Variants in SYT1 observed in about 807,000 individuals in gnomAD.
SYT1 encodes the protein synaptotagmin-1.
In SYT1, 8 loss-of-function variants were observed where a neutral mutation model predicts 44.8. That is an observed-to-expected ratio of 0.18 (90% CI 0.10 to 0.32). SYT1 has a LOEUF of 0.32. Ranked by LOEUF, SYT1 falls within the 10% of genes least tolerant of loss-of-function variation. SYT1 has a pLI of 1.00. For synonymous variants in SYT1, 154 were observed against 188.8 expected (o/e 0.82, Z 1.51); for missense variants, 286 against 509.3 (o/e 0.56, Z 4.22).
intron 4 of SYT1, among the ~76,000 whole-genome samples, chr12:79,248,403 A>C (rs560753201): frequency 1.3e-5 from 2 of 152,322 alleles, no homozygotes; most frequent in South Asian, 4.1e-4. Flanking sequence ...AAAGGAGGAA[A>C]ATTAGCATAT....
intron 2 of SYT1, among the ~76,000 whole-genome samples, chr12:78,990,426 C>T (rs888275954): frequency 6.6e-6 from 1 of 152,176 alleles, no homozygotes; most frequent in Non-Finnish European, 1.5e-5. Context: ...AATCTATTGA[C>T]ATTTAAACCA....
At chr12:78,989,885 C>A (rs1423096905) in intron 2 of SYT1, among the ~76,000 whole-genome samples, 1 of 152,000 alleles carries the variant, frequency 6.6e-6, no homozygotes, top group African/African-American at 2.4e-5. Context: ...ATGATGTCCC[C>A]AAAAATACAC....
intron 2 of SYT1, among the ~76,000 whole-genome samples, chr12:78,988,242 G>A (rs1474201978): frequency 1.3e-5 from 2 of 151,052 alleles, no homozygotes; most frequent in East Asian, 3.9e-4. Flanking sequence ...TTATATTGGA[G>A]AAACAGACAA....
intron 9 of SYT1, among the ~76,000 whole-genome samples, chr12:79,414,405 T>C (rs1231945764): frequency 1.3e-5 from 2 of 152,092 alleles, no homozygotes; most frequent in Non-Finnish European, 2.9e-5. Flanking sequence ...ATTAGATCCT[T>C]GTATGTTGTA....
chr12:78,922,346 G>A (rs17046030), intron 1 of SYT1, among the ~76,000 whole-genome samples: 1 of 151,568 alleles, frequency 6.6e-6, no homozygotes, highest in Non-Finnish European at 1.5e-5. Context: ...GCAAGACCTC[G>A]CTTCAACCCT....
chr12:79,290,277 C>G (rs767510802), intron 5 of SYT1, among the ~76,000 whole-genome samples: 8 of 152,142 alleles, frequency 5.3e-5, no homozygotes, highest in Non-Finnish European at 1.0e-4. Flanking sequence ...ACAGCTGAGT[C>G]TCAGTTTTTT....
In SYT1 at chr12:79,167,780, A is replaced by G. The variant is rs150937953; in HGVS notation, c.-17-49723A>G. ...AGCGGTCCCCAACATTTTTGGCACCAGGGGCTTGTTTCATGGAAGACAATT... is the reference window on the plus strand; with the variant it reads ...AGCGGTCCCCAACATTTTTGGCACCGGGGGCTTGTTTCATGGAAGACAATT... On this transcript the variant is annotated intron_variant, in intron 3 of 10. Transcript: ENST00000261205. Among the ~76,000 whole-genome samples, 942 of 152,148 alleles carry G rather than the reference A, an allele frequency of 6.2e-3. 8 individuals carry two copies. Among genetic ancestry groups the G allele is most frequent in the African/African-American group, 0.022 (905 of 41,526 alleles).
chr12:79,183,084 CACTG>C (rs1872629173), intron 3 of SYT1, among the ~76,000 whole-genome samples: 1 of 152,026 alleles, frequency 6.6e-6, no homozygotes. Flanking sequence ...GTTTATTGTG[CACTG>C]ACTATGTGGA....
rs933947075 is a variant in SYT1 at position 79,010,717 on chromosome 12, C to T, written c.-84+32786C>T. On this transcript the variant is annotated intron_variant, in intron 2 of 10. Coordinates refer to ENST00000261205, the MANE Select transcript of SYT1 (RefSeq NM_005639.3). The stretch of plus-strand genomic sequence containing the variant: ...TACAGACTCATAAAGTCCTGTCCTG[C>T]TATCAGTTTTCAAGTCATCCCTATG... Among the ~76,000 whole-genome samples the T allele has an allele frequency of 1.8e-4, 27 of 152,126 alleles. 1 individual carries two copies. The highest frequency in any genetic ancestry group is 1.9e-4 in the Non-Finnish European group (13 of 68,008).
chr12:78,903,106 A>G (rs1875754019), intron 1 of SYT1, among the ~76,000 whole-genome samples: 1 of 152,090 alleles, frequency 6.6e-6, no homozygotes, highest in Non-Finnish European at 1.5e-5. Context: ...CTCATGTGAA[A>G]GTAGTATGGC....
intron 3 of SYT1, among the ~76,000 whole-genome samples, chr12:79,073,029 G>A (rs1340975347): frequency 6.6e-6 from 1 of 152,110 alleles, no homozygotes; most frequent in African/African-American, 2.4e-5. Flanking sequence ...CAATGAATAA[G>A]TTGTCAGAAT....
chr12:78,938,323 A>G (rs1313558227), intron 1 of SYT1, among the ~76,000 whole-genome samples: 9 of 152,180 alleles, frequency 5.9e-5, no homozygotes, highest in African/African-American at 2.2e-4. Flanking sequence ...CATGTCTGAC[A>G]ACTCACCCTT....
chr12:78,884,839 T>C lies in SYT1; in HGVS notation c.-217+19730T>C, dbSNP rs1465145675. On this transcript the variant is annotated intron_variant, in intron 1 of 10. Coordinates refer to ENST00000261205, the MANE Select transcript of SYT1 (RefSeq NM_005639.3). ...AATATGGAATCTGTCTGAAGAAATA[T>C]GAAGTTTTAAAAGTGTTTATAAAAT... Among the ~76,000 whole-genome samples, 3 of 151,848 alleles carry C rather than the reference T, an allele frequency of 2.0e-5. No homozygotes were observed. The East Asian group carries it at 5.8e-4, about 29-fold the overall frequency.
chr12:79,104,122 A>C (rs1322381303), intron 3 of SYT1, among the ~76,000 whole-genome samples: 1 of 152,038 alleles, frequency 6.6e-6, no homozygotes, highest in Non-Finnish European at 1.5e-5. Context: ...TGTTATTATA[A>C]AAAAATTATG....
chr12:78,931,099 A>T (rs10861164), intron 1 of SYT1, among the ~76,000 whole-genome samples: 26,674 of 148,216 alleles, frequency 0.18, 2,968 homozygotes, highest in East Asian at 0.49. Context: ...GAGGCGGAGG[A>T]TGCAGTGAGC....
intron 9 of SYT1, among the ~76,000 whole-genome samples, chr12:79,401,355 C>T (rs1885058400): frequency 6.6e-6 from 1 of 152,036 alleles, no homozygotes; most frequent in African/African-American, 2.4e-5. Context: ...GATTGTGCCA[C>T]TGCACTCCAG....
At chr12:79,007,790 T>G (rs1871184974) in intron 2 of SYT1, among the ~76,000 whole-genome samples, 1 of 152,050 alleles carries the variant, frequency 6.6e-6, no homozygotes, top group Non-Finnish European at 1.5e-5. Context: ...AATGAAATAA[T>G]TTCAGTGCAA....
At chr12:79,317,726 A>C (rs753672262) in intron 8 of SYT1, among the ~76,000 whole-genome samples, 30 of 152,128 alleles carry the variant, frequency 2.0e-4, no homozygotes, top group Non-Finnish European at 3.8e-4. Context: ...ACAACAGCAT[A>C]GGTTTGAAAA....
At chr12:79,244,503 C>T (rs1227863757) in intron 4 of SYT1, among the ~76,000 whole-genome samples, 1 of 151,928 alleles carries the variant, frequency 6.6e-6, no homozygotes, top group African/African-American at 2.4e-5. Context: ...GTCAGGAGTT[C>T]GAGACCAGCC....
Sources: allele counts gnomAD v4.1 joint callset (sites outside exome capture counted in the v4.1 genomes callset), GRCh38; gene constraint gnomAD v4.1.1; transcripts MANE v1.5; gene names NCBI Gene and HGNC (gene_info 2026-07-23, HGNC 2026-07-21).